ARID3A: variants seen among roughly 807,000 people sequenced by gnomAD.
The protein encoded by ARID3A is AT-rich interactive domain-containing protein 3A.
A neutral mutation model predicts 52.7 loss-of-function variants in ARID3A; 11 were observed. The observed-to-expected ratio is 0.21, with a 90% CI of 0.13 to 0.35. ARID3A has a LOEUF of 0.35. ARID3A is among the 10% of genes least tolerant of loss of function. The probability of loss-of-function intolerance (pLI) is 1.00; values close to 1 mark genes in which losing one functional copy is unlikely to be tolerated. For missense variants in ARID3A, 721 were observed against 838.5 expected (o/e 0.86, Z 1.73); for synonymous variants, 404 against 359.4 (o/e 1.12, Z -1.40).
rs374585264 is a variant in ARID3A at position 927,066 on chromosome 19, G to A, written c.-268+1007G>A. ...CGCCCCTCCCCCTCCTCTTCCCTTC[G>A]TGGAGTGAGGGGCCCCTTTCGCCAC... On this transcript the variant is annotated intron_variant, in intron 1 of 8. Coordinates refer to ENST00000263620, the MANE Select transcript of ARID3A (RefSeq NM_005224.3). Among the ~76,000 whole-genome samples the A allele has an allele frequency of 4.0e-5, 6 of 150,470 alleles. No individual in the cohort carries two copies. The East Asian group carries it at 7.8e-4, about 20-fold the overall frequency.
At position 975,788 on chromosome 19, in the gene ARID3A, G is replaced by C. The variant is rs1243126339; in HGVS notation, c.*3723G>C. On this transcript the variant is annotated 3_prime_UTR_variant, in exon 9 of 9. Transcript: ENST00000263620. ...CAAAAAAAAAAAAAAGTGTGATTTT[G>C]AAATTTAAAAGAACACTGAAAGTTT... 2 of 174,586 alleles carry C rather than the reference G, an allele frequency of 1.1e-5. No individual in the cohort carries two copies. The highest frequency in any genetic ancestry group is 6.5e-5 in the Admixed American group (1 of 15,322). 10.8% of individuals were successfully genotyped at this position (174,586 alleles called of 1,614,324 possible). A position where few individuals can be genotyped will look rare whatever the true frequency, so the allele number is the denominator to read the frequency against.
At chr19:954,853 G>A (rs2037883609) in intron 3 of ARID3A, among the ~76,000 whole-genome samples, 1 of 152,116 alleles carries the variant, frequency 6.6e-6, no homozygotes, top group South Asian at 2.1e-4. Flanking sequence ...CTCAGCGGAG[G>A]GGCACCTTCA....
chr19:969,692 T>G (rs998934231), intron 8 of ARID3A, among the ~76,000 whole-genome samples: 8 of 150,836 alleles, frequency 5.3e-5, no homozygotes, highest in African/African-American at 1.7e-4. Context: ...TATAGTTGTT[T>G]TTTTTTTCTT....
rs117246211 is a variant in ARID3A at position 941,856 on chromosome 19, G to A, written c.693+9114G>A. Among the ~76,000 whole-genome samples the A allele has an allele frequency of 0.025, 3,784 of 152,138 alleles. 83 individuals carry two copies. Among genetic ancestry groups the A allele is most frequent in the Non-Finnish European group, 0.037 (2,535 of 67,970 alleles). On this transcript the variant is annotated intron_variant, in intron 3 of 8. Coordinates refer to ENST00000263620, the MANE Select transcript of ARID3A (RefSeq NM_005224.3). This position sits in a 1 kb window ranked among gnomAD's most constrained non-coding sequence, Gnocchi z 6.9. The stretch of plus-strand genomic sequence containing the variant: ...TGTGTGTGCACGTCGAGGCTGGAGA[G>A]TGTGTGTCCAAAAGCGTGCCTGCTT...
At chr19:950,864 C>T (rs1349286476) in intron 3 of ARID3A, among the ~76,000 whole-genome samples, 1 of 151,956 alleles carries the variant, frequency 6.6e-6, no homozygotes, top group Non-Finnish European at 1.5e-5. Context: ...CTCTTGTTTC[C>T]CAGGCTGGAG....
chr19:926,920 C>T (rs1599376043), intron 1 of ARID3A, among the ~76,000 whole-genome samples: 1 of 152,124 alleles, frequency 6.6e-6, no homozygotes, highest in East Asian at 1.9e-4. Context: ...TCCAAGAAGC[C>T]TTTGAAATCC....
At position 941,933 on chromosome 19, in the gene ARID3A, G is replaced by A. The variant is rs906828605; in HGVS notation, c.693+9191G>A. ...CCCGTGACAGACGACCTTCCTGTGT[G>A]CCTGAGCATTTGGGAGCCTCGTGCT... On this transcript the variant is annotated intron_variant, in intron 3 of 8. Coordinates refer to ENST00000263620, the MANE Select transcript of ARID3A (RefSeq NM_005224.3). This position sits in a 1 kb window ranked among gnomAD's most constrained non-coding sequence, Gnocchi z 6.9. Among the ~76,000 whole-genome samples, 6 of 152,186 alleles carry A rather than the reference G, an allele frequency of 3.9e-5. No individual in the cohort carries two copies. Among genetic ancestry groups the A allele is most frequent in the African/African-American group, 1.4e-4 (6 of 41,428 alleles).
chr19:955,601 C>G (rs983765533), intron 3 of ARID3A, among the ~76,000 whole-genome samples: 2 of 152,192 alleles, frequency 1.3e-5, no homozygotes, highest in African/African-American at 4.8e-5. Flanking sequence ...GCTGGGGCGC[C>G]AGGTGCTTGG....
chr19:957,790 G>A (rs2037952483), intron 3 of ARID3A, among the ~76,000 whole-genome samples: 1 of 152,196 alleles, frequency 6.6e-6, no homozygotes, highest in Non-Finnish European at 1.5e-5. Context: ...GCTGCAGTGA[G>A]CTATGATTGC....
Position 975,040 on chromosome 19 carries a change from G to A in ARID3A, c.*2975G>A, listed in dbSNP as rs2038352481. ...CAGAGGCTCCTCCCTGCCTCAGGTGGCCCCGTTCAACCCCAGCCGTGCCCA... is the reference window on the plus strand; with the variant it reads ...CAGAGGCTCCTCCCTGCCTCAGGTGACCCCGTTCAACCCCAGCCGTGCCCA... On this transcript the variant is annotated 3_prime_UTR_variant, in exon 9 of 9. Transcript: ENST00000263620. The A allele has an allele frequency of 8.6e-6, 2 of 232,268 alleles. 1 individual carries two copies. Among genetic ancestry groups the A allele is most frequent in the Admixed American group, 1.1e-4 (2 of 17,760 alleles). The allele number at this position is 232,268 out of a possible 1,614,324, so 14.4% of individuals were successfully genotyped here.
In ARID3A at chr19:938,930, CTTTTTTTT is replaced by C. The variant is rs5826711; in HGVS notation, c.693+6199_693+6206del. Among the ~76,000 whole-genome samples, 1 of 128,194 alleles carries C rather than the reference CTTTTTTTT, an allele frequency of 7.8e-6. No homozygotes were observed. Among genetic ancestry groups the C allele is most frequent in the Non-Finnish European group, 1.6e-5 (1 of 61,944 alleles). 84.1% of individuals were successfully genotyped at this position (128,194 alleles called of 152,430 possible). On this transcript the variant is annotated intron_variant, in intron 3 of 8. Coordinates refer to ENST00000263620, the MANE Select transcript of ARID3A (RefSeq NM_005224.3). This position sits in a 1 kb window ranked among gnomAD's most constrained non-coding sequence, Gnocchi z 4.0. The stretch of plus-strand genomic sequence containing the variant: ...CACATAGATACATTATTTTATCTCT[CTTTTTTTT>C]TTTTTTTTTTGAGACGGAGTCTTGT...
chr19:953,365 G>A (rs2037842504), intron 3 of ARID3A, among the ~76,000 whole-genome samples: 2 of 151,562 alleles, frequency 1.3e-5, no homozygotes, highest in Non-Finnish European at 2.9e-5. Flanking sequence ...CTCCCCCACC[G>A]GCGCCACCAC....
At chr19:936,479 G>C (rs914617857) in intron 3 of ARID3A, among the ~76,000 whole-genome samples, 1 of 152,172 alleles carries the variant, frequency 6.6e-6, no homozygotes, top group Admixed American at 6.5e-5. Flanking sequence ...AGGAGGACAA[G>C]GCTGCAGTGA....
intron 3 of ARID3A, among the ~76,000 whole-genome samples, chr19:955,896 T>A (rs1189129127): frequency 2.0e-5 from 3 of 152,164 alleles, no homozygotes; most frequent in Non-Finnish European, 2.9e-5. Context: ...CCCTCCGTCC[T>A]GGAGCCCAGA....
intron 3 of ARID3A, among the ~76,000 whole-genome samples, chr19:943,804 G>A (rs2037610361): frequency 6.6e-6 from 1 of 152,224 alleles, no homozygotes; most frequent in Admixed American, 6.5e-5. Flanking sequence ...GGCAAGGTTA[G>A]GGCAGAAACA....
At chr19:930,276 G>T (rs1031040069) in intron 2 of ARID3A, among the ~76,000 whole-genome samples, 1 of 151,918 alleles carries the variant, frequency 6.6e-6, no homozygotes, top group African/African-American at 2.4e-5. Flanking sequence ...TTTTAGCCGG[G>T]TGCTGTGGCT....
intron 3 of ARID3A, among the ~76,000 whole-genome samples, chr19:952,628 AAG>A (rs2037825691): frequency 6.6e-6 from 1 of 152,086 alleles, no homozygotes; most frequent in South Asian, 2.1e-4. Flanking sequence ...TCTGTGGCCA[AAG>A]AGAGCGTCTG....
At chr19:930,769 A>C (rs1469844513) in intron 2 of ARID3A, among the ~76,000 whole-genome samples, 1 of 150,938 alleles carries the variant, frequency 6.6e-6, no homozygotes, top group Admixed American at 6.6e-5. Context: ...TTGGCCTCCC[A>C]AAGTGCTGGG....
At chr19:949,010 C>T (rs964854158) in intron 3 of ARID3A, among the ~76,000 whole-genome samples, 1 of 152,124 alleles carries the variant, frequency 6.6e-6, no homozygotes, top group East Asian at 1.9e-4. Context: ...AGCCACCGCG[C>T]GTGGCCATCC....
Sources: allele counts gnomAD v4.1 joint callset (sites outside exome capture counted in the v4.1 genomes callset), GRCh38; gene constraint gnomAD v4.1.1; non-coding constraint Gnocchi (gnomAD v3.1); transcripts MANE v1.5; gene names NCBI Gene and HGNC (gene_info 2026-07-23, HGNC 2026-07-21).